Variants in CXADR observed in about 807,000 individuals in gnomAD.
The protein encoded by CXADR is CXADR cell adhesion molecule.
Under a neutral mutation model 40.3 loss-of-function variants are expected in CXADR, and 20 were observed. The ratio of observed to expected loss-of-function variants is 0.50; its 90% CI spans 0.35 to 0.72. CXADR has a LOEUF of 0.72. Among genes scored for constraint, CXADR ranks in the 30% least tolerant of loss-of-function variants. The pLI, the probability that CXADR is intolerant of heterozygous loss-of-function variation, is 0.01. For missense variants in CXADR, 332 were observed against 449.1 expected, an observed-to-expected ratio of 0.74 and a Z score of 2.36; for synonymous variants, 150 against 161.3, an observed-to-expected ratio of 0.93 and a Z score of 0.53.
chr21:17,556,116 C>T (rs1441831436), intron 3 of CXADR, among the ~76,000 whole-genome samples: 5 of 152,210 alleles, frequency 3.3e-5, no homozygotes, highest in African/African-American at 1.2e-4. Flanking sequence ...ATCATGGAAG[C>T]AGATGTTCTG....
At chr21:17,523,255 C>T (rs920979721) in intron 1 of CXADR, among the ~76,000 whole-genome samples, 3 of 152,082 alleles carry the variant, frequency 2.0e-5, no homozygotes, top group Non-Finnish European at 4.4e-5. Flanking sequence ...ATTGTATTCC[C>T]AGTATATGGC....
chr21:17,555,647 T>A (rs753053619), intron 3 of CXADR, among the ~76,000 whole-genome samples: 3 of 152,140 alleles, frequency 2.0e-5, no homozygotes, highest in Non-Finnish European at 2.9e-5. Context: ...TCCAGTCACG[T>A]CTGGGGGCAC....
chr21:17,539,145 G>A (rs1420636933), intron 1 of CXADR, among the ~76,000 whole-genome samples: 1 of 152,148 alleles, frequency 6.6e-6, no homozygotes, highest in Non-Finnish European at 1.5e-5. Context: ...TTGGTAGTAG[G>A]TCACGTCACT....
At chr21:17,633,992 G>A in the CXADR span, among the ~76,000 whole-genome samples, 54 of 152,192 alleles carry the variant, frequency 3.5e-4, no homozygotes, top group African/African-American at 1.1e-3. Context: ...CAAACCTTCA[G>A]GAGGTGAAAA....
At chr21:17,598,856 G>T in the CXADR span, 1 of 1,576,622 alleles carries the variant, frequency 6.3e-7, no homozygotes. Flanking sequence ...TACAAATCTT[G>T]AAGTCACATC....
intron 1 of CXADR, among the ~76,000 whole-genome samples, chr21:17,520,163 C>G (rs1458882911): frequency 6.6e-6 from 1 of 152,140 alleles, no homozygotes; most frequent in African/African-American, 2.4e-5. Flanking sequence ...TTAAGTGATA[C>G]TTAATGTACT....
In CXADR at chr21:17,568,604, T is replaced by C. The variant is rs2061245581; in HGVS notation, c.*2912T>C. ...GATAGGGTTTCACTATTGCTCAGGC[T>C]GGTCTCAAACTGCTGGGCTCAGGAG... On this transcript the variant is annotated 3_prime_UTR_variant, in exon 7 of 7. Transcript: ENST00000284878. 2 of 978,682 alleles carry C rather than the reference T, an allele frequency of 2.0e-6. No individual in the cohort carries two copies. The highest frequency in any genetic ancestry group is 4.7e-5 in the South Asian group (1 of 21,078). The allele number at this position is 978,682 out of a possible 1,614,324, so 60.6% of individuals were successfully genotyped here.
At chr21:17,608,887 A>G in the CXADR span, 2 of 1,307,500 alleles carry the variant, frequency 1.5e-6, no homozygotes, top group East Asian at 2.4e-5. Flanking sequence ...ACCTGTAGGC[A>G]TGGTCTGCAC....
chr21:17,601,484 A>G, the CXADR span, among the ~76,000 whole-genome samples: 1 of 152,200 alleles, frequency 6.6e-6, no homozygotes, highest in Non-Finnish European at 1.5e-5. Flanking sequence ...TGATCATGCC[A>G]CCGCATTCCA....
At chr21:17,629,580 A>G in the CXADR span, among the ~76,000 whole-genome samples, 1 of 152,054 alleles carries the variant, frequency 6.6e-6, no homozygotes. Context: ...AACAAAACAA[A>G]ACAAAACCCA....
intron 6 of CXADR, among the ~76,000 whole-genome samples, 160 bp downstream of exon 6, chr21:17,561,636 G>T (rs1441163967): frequency 6.6e-6 from 1 of 152,144 alleles, no homozygotes; most frequent in African/African-American, 2.4e-5. Flanking sequence ...ACTTCTAACT[G>T]CAAGTGCAGA....
the CXADR span, among the ~76,000 whole-genome samples, chr21:17,618,598 C>T: frequency 6.6e-6 from 1 of 152,002 alleles, no homozygotes; most frequent in Non-Finnish European, 1.5e-5. Flanking sequence ...AGTGCAATGA[C>T]ACAATCTTGG....
intron 7 of CXADR, among the ~76,000 whole-genome samples, chr21:17,592,550 A>AATC (rs953721702): frequency 3.3e-5 from 5 of 151,928 alleles, no homozygotes; most frequent in Non-Finnish European, 7.4e-5. Flanking sequence ...ACTTTACGCC[A>AATC]ATCACCTACA....
At chr21:17,588,459 A>G (rs2061412942) in intron 7 of CXADR, among the ~76,000 whole-genome samples, 1 of 152,098 alleles carries the variant, frequency 6.6e-6, no homozygotes, top group Non-Finnish European at 1.5e-5. Flanking sequence ...CATCCCTTGT[A>G]GGTTGGATTC....
At chr21:17,580,566 C>T (rs1406328356) in intron 7 of CXADR, among the ~76,000 whole-genome samples, 1 of 152,056 alleles carries the variant, frequency 6.6e-6, no homozygotes, top group Non-Finnish European at 1.5e-5. Flanking sequence ...GTTGTGATCG[C>T]ACTACTGAAC....
intron 1 of CXADR, among the ~76,000 whole-genome samples, chr21:17,545,673 A>G (rs1047649562): frequency 6.6e-6 from 1 of 152,142 alleles, no homozygotes; most frequent in African/African-American, 2.4e-5. Context: ...GACGTCTTTT[A>G]TAAAATAAAA....
chr21:17,604,913 C>T, the CXADR span: 13 of 1,614,044 alleles, frequency 8.1e-6, no homozygotes, highest in Admixed American at 8.3e-5. Flanking sequence ...TTGGCAAGCC[C>T]AGGTCACTAT....
intron 3 of CXADR, among the ~76,000 whole-genome samples, chr21:17,552,508 A>G (rs2060981581): frequency 6.6e-6 from 1 of 152,180 alleles, no homozygotes; most frequent in Non-Finnish European, 1.5e-5. Context: ...CTGCTTTGTA[A>G]ACTGCCAAAG....
chr21:17,586,550 C>T (rs1555876228), intron 7 of CXADR, among the ~76,000 whole-genome samples: 3 of 151,250 alleles, frequency 2.0e-5, no homozygotes, highest in Non-Finnish European at 2.9e-5. Flanking sequence ...GTTCTCCTAC[C>T]TTGGCCTCCC....
Sources: gnomAD v4.1 joint callset for allele counts (sites outside exome capture counted in the v4.1 genomes callset) on GRCh38, gnomAD v4.1.1 for gene constraint, MANE v1.5 for transcripts, NCBI Gene and HGNC (gene_info 2026-07-23, HGNC 2026-07-21) for gene names.